The following SH3BP2 variants were observed in gnomAD, a reference collection of about 807,000 sequenced individuals.
The protein encoded by SH3BP2 is SH3 domain binding protein 2.
SH3BP2 carries 38 observed loss-of-function variants against 56.2 expected under a neutral mutation model. The observed-to-expected ratio is 0.68, with a 90% CI of 0.52 to 0.89. The LOEUF (loss-of-function observed/expected upper bound fraction) is 0.89. SH3BP2 is among the 40% of genes least tolerant of loss of function. The pLI is 0.00. For missense variants in SH3BP2, 748 were observed against 762.6 expected (o/e 0.98, Z 0.23); for synonymous variants, 346 against 316.7 (o/e 1.09, Z -0.98).
At chr4:2,803,325 G>T (rs553587726) in intron 1 of SH3BP2, among the ~76,000 whole-genome samples, 1 of 152,204 alleles carries the variant, frequency 6.6e-6, no homozygotes, top group Non-Finnish European at 1.5e-5. Context: ...CAGGGCCTCG[G>T]CATCTCCACT....
In SH3BP2 at chr4:2,831,652, G is replaced by A. The variant is rs1307787801; in HGVS notation, c.1323G>A (p.Gly441=). 3 of 1,591,810 alleles carry A rather than the reference G, an allele frequency of 1.9e-6. No individual in the cohort carries two copies. The highest frequency in any genetic ancestry group is 4.6e-5 in the East Asian group (2 of 43,564). ...PRQPSQADTG[G]DDSDEDYEKV... is the part of the protein sequence containing the mutation. ...AACCCTCACAGGCTGACACTGGCGG[G>A]GACGACTCGGACGAGGACTATGAGA... Residue 441 remains glycine, a synonymous_variant, in exon 9 of 13, where the codon GGG becomes GGA. Transcript: ENST00000503393. This position sits in a 1 kb window ranked among gnomAD's most constrained non-coding sequence, Gnocchi z 4.1.
rs894812719 is a variant in SH3BP2, at chr4:2,839,878, T to A, written c.*6044T>A. Reference sequence around the variant, plus strand: ...TGTGCATGCCAGTTCTTATTTTTAATGCAGTTGAATTGATCAGTGTTTTCA... The same window carrying A: ...TGTGCATGCCAGTTCTTATTTTTAAAGCAGTTGAATTGATCAGTGTTTTCA... On this transcript the variant is annotated 3_prime_UTR_variant, in exon 13 of 13. Coordinates refer to ENST00000503393, the MANE Select transcript of SH3BP2 (RefSeq NM_001122681.2). The A allele has an allele frequency of 3.3e-5, 5 of 152,096 alleles. No individual in the cohort carries two copies. The highest frequency in any genetic ancestry group is 1.2e-4 in the African/African-American group (5 of 41,406). 9.4% of individuals were successfully genotyped at this position (152,096 alleles called of 1,614,324 possible).
At chr4:2,828,843 G>A (rs1724815913) in intron 7 of SH3BP2, among the ~76,000 whole-genome samples, 1 of 152,106 alleles carries the variant, frequency 6.6e-6, no homozygotes, top group Non-Finnish European at 1.5e-5. Flanking sequence ...CCTGTTCCTT[G>A]CCAGCCCGTC....
At chr4:2,798,812 A>G (rs1328481385) in intron 1 of SH3BP2, among the ~76,000 whole-genome samples, 1 of 152,184 alleles carries the variant, frequency 6.6e-6, no homozygotes, top group Non-Finnish European at 1.5e-5. Flanking sequence ...ACCTCTAGGA[A>G]CACAGGTGCT....
At chr4:2,801,166 G>A (rs1376040217) in intron 1 of SH3BP2, among the ~76,000 whole-genome samples, 2 of 151,490 alleles carry the variant, frequency 1.3e-5, no homozygotes, top group Non-Finnish European at 2.9e-5. Flanking sequence ...GCAGAGGCTG[G>A]GGGCTGGGCT....
Position 2,830,014 on chromosome 4 carries a change from G to A in SH3BP2, c.1108G>A (p.Glu370Lys). The change falls in exon 8 of 13, where the codon GAG (glutamate) becomes AAG (lysine). Residue 370 changes from glutamate (E) to lysine (K), a missense_variant. Physicochemically the swap from Glu to Lys is moderately conservative, Grantham distance 56. Transcript: ENST00000503393. ...LKIAEEDPPR[E>K]AAMPGLFVPP... Reference sequence around the variant, plus strand: ...GATAGCTGAAGAGGACCCCCCAAGGGAGGCAGCCATGCCCGGACTCTTTGT... The same window carrying A: ...GATAGCTGAAGAGGACCCCCCAAGGAAGGCAGCCATGCCCGGACTCTTTGT... The A allele has an allele frequency of 6.2e-7, 1 of 1,613,010 alleles. No individual in the cohort carries two copies.
At chr4:2,797,565 G>C (rs951741239) in intron 1 of SH3BP2, among the ~76,000 whole-genome samples, 3 of 152,194 alleles carry the variant, frequency 2.0e-5, no homozygotes, top group African/African-American at 7.2e-5. Flanking sequence ...TTCAGCTGAA[G>C]ACATAAGTGT....
rs985992607 is a variant in SH3BP2, at chr4:2,809,508, C to G, written c.-4-11106C>G. Among the ~76,000 whole-genome samples, 5 of 152,102 alleles carry G rather than the reference C, an allele frequency of 3.3e-5. No individual in the cohort carries two copies. The South Asian group carries it at 1.0e-3, about 31-fold the overall frequency. On this transcript the variant is annotated intron_variant, in intron 1 of 12. Coordinates refer to ENST00000503393, the MANE Select transcript of SH3BP2 (RefSeq NM_001122681.2). ...TCTCCTGAAGGTGGCAAGCAGGTAC[C>G]AGGCTGGGTACAGGGTCCCTGGGTG...
intron 2 of SH3BP2, among the ~76,000 whole-genome samples, chr4:2,821,243 C>T (rs1279749825): frequency 6.6e-6 from 1 of 152,224 alleles, no homozygotes. Flanking sequence ...ATACTGAAGG[C>T]CAAGAGCATC....
rs139409304 is a variant in SH3BP2 at position 2,831,958 on chromosome 4, G to T, written c.1386G>T (p.Thr462=). ...PLPNSVFVNT[T]ESCEVERLFK... is the part of the protein sequence containing the mutation. ...CCAACTCGGTCTTCGTCAACACCAC[G>T]GAGTCCTGCGAAGTGGAAAGGTCAG... The change falls in exon 10 of 13, where the codon ACG becomes ACT. Residue 462 remains threonine (T), a synonymous_variant. Coordinates refer to ENST00000503393, the MANE Select transcript of SH3BP2 (RefSeq NM_001122681.2). This position sits in a 1 kb window ranked among gnomAD's most constrained non-coding sequence, Gnocchi z 4.1. 6.2e-7 allele frequency: 1 copy of T among 1,613,012 alleles called. No individual in the cohort carries two copies. The highest frequency in any genetic ancestry group is 8.5e-7 in the Non-Finnish European group (1 of 1,180,010).
At chr4:2,825,333 G>A in intron 5 of SH3BP2, 137 bp downstream of exon 5, 3 of 727,832 alleles carry the variant, frequency 4.1e-6, no homozygotes, top group Non-Finnish European at 7.5e-6. Flanking sequence ...CAGCTGGGCT[G>A]CGTCTCTCTG....
At chr4:2,826,170 T>C (rs556089594) in intron 5 of SH3BP2, among the ~76,000 whole-genome samples, 1 of 152,410 alleles carries the variant, frequency 6.6e-6, no homozygotes, top group Admixed American at 6.5e-5. Flanking sequence ...AAGGGGCACC[T>C]AGTGGAGGCA....
In SH3BP2 at chr4:2,807,720, G is replaced by A. The variant is rs186487004; in HGVS notation, c.-4-12894G>A. The stretch of plus-strand genomic sequence containing the variant: ...GACAGGGAACCAACCTCGCTGCTGC[G>A]CCGTGGTGAATGTGGCCTGAGACAA... On this transcript the variant is annotated intron_variant, in intron 1 of 12. Transcript: ENST00000503393. 2.6e-3 allele frequency among the ~76,000 whole-genome samples: 391 copies of A among 152,312 alleles called. 1 individual carries two copies. Among genetic ancestry groups the A allele is most frequent in the African/African-American group, 9.0e-3 (374 of 41,566 alleles).
At chr4:2,794,307 T>A (rs1427169369) in intron 1 of SH3BP2, 3 of 152,476 alleles carry the variant, frequency 2.0e-5, no homozygotes, top group Admixed American at 6.5e-5. Context: ...GCTCCTGCCC[T>A]CACTGGCTCA....
At chr4:2,797,019 G>A (rs186440727) in intron 1 of SH3BP2, among the ~76,000 whole-genome samples, 4 of 152,322 alleles carry the variant, frequency 2.6e-5, no homozygotes, top group East Asian at 3.9e-4. Flanking sequence ...CCCCAGGCCC[G>A]AGCTAGGGCC....
intron 1 of SH3BP2, among the ~76,000 whole-genome samples, chr4:2,811,199 TGA>T (rs1488318647): frequency 6.6e-6 from 1 of 152,172 alleles, no homozygotes. Flanking sequence ...CTGCCTTTTT[TGA>T]GTGACCCGAC....
At position 2,798,987 on chromosome 4, in the gene SH3BP2, C is replaced by G. The variant is rs866582330; in HGVS notation, c.-5+5849C>G. 2.5e-5 allele frequency: 25 copies of G among 985,618 alleles called. No individual in the cohort carries two copies. In the Middle Eastern group the frequency reaches 1.5e-3, roughly 61 times the overall value. The allele number at this position is 985,618 out of a possible 1,614,324, so 61.1% of individuals were successfully genotyped here. ...GTGTGTGGGAGTGGCCCCCCAGGAGCTGCACGCAGCACGGGGCCTGGGAAA... is the reference window on the plus strand; with the variant it reads ...GTGTGTGGGAGTGGCCCCCCAGGAGGTGCACGCAGCACGGGGCCTGGGAAA... On this transcript the variant is annotated intron_variant, in intron 1 of 12. Transcript: ENST00000503393.
intron 5 of SH3BP2, chr4:2,826,540 CTGTG>C (rs148421972): frequency 2.7e-4 from 58 of 212,940 alleles, no homozygotes; most frequent in South Asian, 7.9e-4. Context: ...GCGTGTTGCT[CTGTG>C]TGTGTGTGTG....
At chr4:2,798,883 TG>T in intron 1 of SH3BP2, 1 of 768,594 alleles carries the variant, frequency 1.3e-6, no homozygotes, top group Non-Finnish European at 1.6e-6. Context: ...CCGCCTTCTC[TG>T]GGCAGGGCAG....
Sources: gnomAD v4.1 joint callset for allele counts (sites outside exome capture counted in the v4.1 genomes callset) on GRCh38, gnomAD v4.1.1 for gene constraint, Gnocchi (gnomAD v3.1) non-coding constraint, MANE v1.5 for transcripts, NCBI Gene and HGNC (gene_info 2026-07-23, HGNC 2026-07-21) for gene names.